The following ZNF486 variants were observed in gnomAD, a reference collection of about 807,000 sequenced individuals.
The protein encoded by ZNF486 is KRAB box only protein 2.
In ZNF486, 12 loss-of-function variants were observed where a neutral mutation model predicts 12.8. That is an observed-to-expected ratio of 0.94 (90% CI 0.60 to 1.52). ZNF486 has a LOEUF of 1.52. Among genes scored for constraint, ZNF486 ranks in the 40% most tolerant of loss-of-function variants. The pLI is 0.00. For missense variants in ZNF486, 738 were observed against 545.0 expected (o/e 1.35, Z -3.53); for synonymous variants, 231 against 184.9 (o/e 1.25, Z -2.02).
intron 3 of ZNF486, among the ~76,000 whole-genome samples, chr19:20,193,145 C>T (rs530985758): frequency 3.3e-5 from 5 of 150,966 alleles, no homozygotes; most frequent in African/African-American, 7.3e-5. Flanking sequence ...GTTTCAATCT[C>T]ATAACTTCAA....
At chr19:20,193,700 A>T (rs1178329602) in intron 3 of ZNF486, among the ~76,000 whole-genome samples, 1 of 152,120 alleles carries the variant, frequency 6.6e-6, no homozygotes, top group Non-Finnish European at 1.5e-5. Flanking sequence ...TGGAAAGATG[A>T]TTATATATAT....
In ZNF486 at chr19:20,198,589, C is replaced by G; in HGVS notation, c.*487C>G. On this transcript the variant is annotated 3_prime_UTR_variant, in exon 4 of 4. Coordinates refer to ENST00000335117, the MANE Select transcript of ZNF486 (RefSeq NM_052852.4). ...CCGGGCTGTAGTGCAATGGCATGAT[C>G]TTGGCTTACTGTGACCTCTGCCTCC... is the stretch of plus-strand genomic sequence containing the variant. 6.2e-6 allele frequency: 1 copy of G among 161,582 alleles called. No individual in the cohort carries two copies. The highest frequency in any genetic ancestry group is 1.4e-5 in the Non-Finnish European group (1 of 73,190). 10.0% of individuals were successfully genotyped at this position (161,582 alleles called of 1,614,324 possible). A position where few individuals can be genotyped will look rare whatever the true frequency, so the allele number is the denominator to read the frequency against.
chr19:20,194,152 TG>T (rs1399795840), intron 3 of ZNF486, among the ~76,000 whole-genome samples: 1 of 152,228 alleles, frequency 6.6e-6, no homozygotes, highest in East Asian at 1.9e-4. Context: ...TTTTTGTGTA[TG>T]TGGATATCTT....
chr19:20,167,940 C>T lies in ZNF486; in HGVS notation c.30+580C>T, dbSNP rs114494168. On this transcript the variant is annotated intron_variant, in intron 1 of 3. Transcript: ENST00000335117. Reference sequence around the variant, plus strand: ...CCCTTTTTCTCCCTTTTCCTTTTCTCGCAAATCGCTCGTTTATCCTATTTG... The same window carrying T: ...CCCTTTTTCTCCCTTTTCCTTTTCTTGCAAATCGCTCGTTTATCCTATTTG... 4.6e-3 allele frequency among the ~76,000 whole-genome samples: 693 copies of T among 152,256 alleles called. 6 individuals carry two copies. Among genetic ancestry groups the T allele is most frequent in the African/African-American group, 0.016 (650 of 41,562 alleles).
intron 1 of ZNF486, chr19:20,174,935 A>G (rs1225395564): frequency 6.6e-6 from 1 of 152,232 alleles, no homozygotes; most frequent in Non-Finnish European, 1.5e-5. Context: ...CCCAAAAACC[A>G]TAATAGCTCT....
Position 20,184,517 on chromosome 19 carries a change from C to A in ZNF486, c.157+35C>A, listed in dbSNP as rs547077959. 2.3e-5 allele frequency: 35 copies of A among 1,540,142 alleles called. No individual in the cohort carries two copies. In the Admixed American group the frequency reaches 3.3e-4, roughly 14 times the overall value. On this transcript the variant is annotated intron_variant, in intron 2 of 3. Coordinates refer to ENST00000335117, the MANE Select transcript of ZNF486 (RefSeq NM_052852.4). ...ACTTAAATACATAATTCATAAAAAA[C>A]CCCAAAAGTTTTATTTCTCTTTTTT...
chr19:20,193,656 G>A (rs915660786), intron 3 of ZNF486, among the ~76,000 whole-genome samples: 24 of 151,538 alleles, frequency 1.6e-4, no homozygotes, highest in Non-Finnish European at 2.4e-4. Flanking sequence ...GCGAAACTCC[G>A]TCTCAAAAAA....
At chr19:20,170,672 A>C (rs2089639065) in intron 1 of ZNF486, among the ~76,000 whole-genome samples, 2 of 152,224 alleles carry the variant, frequency 1.3e-5, no homozygotes, top group Non-Finnish European at 1.5e-5. Flanking sequence ...GCTGTGTGAC[A>C]GGTAAGAAAA....
At chr19:20,191,447 A>G (rs1385405752) in intron 3 of ZNF486, among the ~76,000 whole-genome samples, 2 of 135,620 alleles carry the variant, frequency 1.5e-5, no homozygotes, top group Admixed American at 7.8e-5. Flanking sequence ...AGCCTGGGCG[A>G]CAGCGAGATT....
intron 1 of ZNF486, among the ~76,000 whole-genome samples, chr19:20,178,907 A>G (rs2089753528): frequency 6.6e-6 from 1 of 152,232 alleles, no homozygotes; most frequent in Non-Finnish European, 1.5e-5. Flanking sequence ...TGCATTGAGT[A>G]GACATGTTGA....
chr19:20,188,313 AT>A (rs1263508291), intron 3 of ZNF486: 5 of 395,822 alleles, frequency 1.3e-5, no homozygotes, highest in East Asian at 3.6e-5. Flanking sequence ...ATAATTCTGG[AT>A]TTTTTTTCAG....
intron 1 of ZNF486, among the ~76,000 whole-genome samples, chr19:20,175,812 T>C (rs984263907): frequency 6.6e-6 from 1 of 152,232 alleles, no homozygotes; most frequent in East Asian, 1.9e-4. Flanking sequence ...AAAACAGCCA[T>C]TGTCATCATG....
rs1423789142 is a variant in ZNF486 at position 20,199,766 on chromosome 19, G to T, written c.*1664G>T. On this transcript the variant is annotated 3_prime_UTR_variant, in exon 4 of 4. Coordinates refer to ENST00000335117, the MANE Select transcript of ZNF486 (RefSeq NM_052852.4). ...TTAAAAGCAGATTTTTGGAAGCATT[G>T]TAATTACATTAAAAGTATACTTGTT... 1 of 151,650 alleles carries T rather than the reference G, an allele frequency of 6.6e-6. No individual in the cohort carries two copies. The highest frequency in any genetic ancestry group is 2.4e-5 in the African/African-American group (1 of 41,278). 9.4% of individuals were successfully genotyped at this position (151,650 alleles called of 1,614,324 possible).
chr19:20,188,696 A>G (rs2122667069), intron 3 of ZNF486: 1 of 372,822 alleles, frequency 2.7e-6, no homozygotes, highest in Non-Finnish European at 4.7e-6. Flanking sequence ...GTATATTCTC[A>G]TTGTTATGTA....
chr19:20,183,681 AATT>A (rs541292166), intron 1 of ZNF486, among the ~76,000 whole-genome samples: 38 of 135,970 alleles, frequency 2.8e-4, no homozygotes, highest in African/African-American at 1.3e-3. Flanking sequence ...CTATAGAGAT[AATT>A]ATTTTTCTAT....
Position 20,199,951 on chromosome 19 carries a change from A to G in ZNF486, c.*1849A>G, listed in dbSNP as rs1318667741. The G allele has an allele frequency of 6.6e-6, 1 of 151,992 alleles. No individual in the cohort carries two copies. The allele number at this position is 151,992 out of a possible 1,614,324, so 9.4% of individuals were successfully genotyped here. A position where few individuals can be genotyped will look rare whatever the true frequency, so the allele number is the denominator to read the frequency against. On this transcript the variant is annotated 3_prime_UTR_variant, in exon 4 of 4. Transcript: ENST00000335117. ...TAGCCATGCATGGTGGCCGGCGCGT[A>G]TAATCCCAGCTGCTTGGGAGGCTGA...
At chr19:20,183,678 G>T (rs1009638046) in intron 1 of ZNF486, among the ~76,000 whole-genome samples, 1 of 140,726 alleles carries the variant, frequency 7.1e-6, no homozygotes, top group African/African-American at 3.0e-5. Flanking sequence ...TCACTATAGA[G>T]ATAATTATTT....
Position 20,198,076 on chromosome 19 carries a change from C to A in ZNF486, c.1366C>A (p.His456Asn), listed in dbSNP as rs2089979425. 1.2e-6 allele frequency: 2 copies of A among 1,600,288 alleles called. No individual in the cohort carries two copies. Among genetic ancestry groups the A allele is most frequent in the East Asian group, 2.3e-5 (1 of 44,346 alleles). Residue 456 changes from histidine (H) to asparagine (N), a missense_variant, in exon 4 of 4, where the codon CAT (histidine) becomes AAT (asparagine). His to Asn is a moderately conservative substitution (Grantham distance 68). Transcript: ENST00000335117. ...AGACCTTAATAAACATAAGAGAATT[C>A]ATATTGGACAGAAACCAAGAACGTG... The part of the protein sequence containing the change: ...SSDLNKHKRI[H>N]IGQKPRT
chr19:20,172,669 A>C (rs1463145837), intron 1 of ZNF486, among the ~76,000 whole-genome samples: 1 of 124,392 alleles, frequency 8.0e-6, no homozygotes, highest in African/African-American at 3.6e-5. Context: ...TTTTTTTGTG[A>C]GATGGAGTCG....
Sources: gnomAD v4.1 joint callset for allele counts (sites outside exome capture counted in the v4.1 genomes callset) on GRCh38, gnomAD v4.1.1 for gene constraint, MANE v1.5 for transcripts, NCBI Gene and HGNC (gene_info 2026-07-23, HGNC 2026-07-21) for gene names.